The following SHISA6 variants were observed in gnomAD, a reference collection of about 807,000 sequenced individuals.
The protein encoded by SHISA6 is protein shisa-6.
A neutral mutation model predicts 47.9 loss-of-function variants in SHISA6; 22 were observed. The ratio of observed to expected loss-of-function variants is 0.46; its 90% CI spans 0.33 to 0.66. SHISA6 has a LOEUF of 0.66. Ranked by LOEUF, SHISA6 falls within the 30% of genes least tolerant of loss-of-function variation. The probability of loss-of-function intolerance (pLI) is 0.02; values close to 1 mark genes in which losing one functional copy is unlikely to be tolerated. For synonymous variants in SHISA6, 388 were observed against 337.8 expected (o/e 1.15, Z -1.63); for missense variants, 680 against 764.6 (o/e 0.89, Z 1.30).
In SHISA6 at chr17:11,303,351, A is replaced by T. The variant is rs573112452; in HGVS notation, c.799+39825A>T. Among the ~76,000 whole-genome samples, 4 of 151,318 alleles carry T rather than the reference A, an allele frequency of 2.6e-5. No individual in the cohort carries two copies. In the South Asian group the frequency reaches 8.4e-4, roughly 32 times the overall value. The stretch of plus-strand genomic sequence containing the variant: ...TGATTGGTTATGTGTGGTCGTGAGT[A>T]TGGTTGTGTGTGGTGTTTTGTGCAT... On this transcript the variant is annotated intron_variant, in intron 2 of 5. Coordinates refer to ENST00000441885, the MANE Select transcript of SHISA6 (RefSeq NM_207386.4).
At chr17:11,517,055 A>G (rs2071591629) in intron 3 of SHISA6, among the ~76,000 whole-genome samples, 1 of 152,228 alleles carries the variant, frequency 6.6e-6, no homozygotes, top group Non-Finnish European at 1.5e-5. Context: ...TAATGAGCAT[A>G]TAGATCATAA....
intron 3 of SHISA6, among the ~76,000 whole-genome samples, chr17:11,483,485 C>T (rs971936552): frequency 6.6e-6 from 1 of 152,046 alleles, no homozygotes; most frequent in Non-Finnish European, 1.5e-5. Flanking sequence ...ACACTTACAA[C>T]ATAATTACTC....
intron 2 of SHISA6, among the ~76,000 whole-genome samples, chr17:11,364,201 C>T (rs1159083516): frequency 6.6e-6 from 1 of 152,196 alleles, no homozygotes; most frequent in Non-Finnish European, 1.5e-5. Context: ...ATCCATCTCC[C>T]CCTTATCCAG....
chr17:11,337,177 T>A (rs1273750821), intron 2 of SHISA6, among the ~76,000 whole-genome samples: 1 of 152,018 alleles, frequency 6.6e-6, no homozygotes, highest in Non-Finnish European at 1.5e-5. Flanking sequence ...CTGCAGGTAG[T>A]TTATATGGGA....
At chr17:11,261,819 A>T (rs960957629) in intron 1 of SHISA6, among the ~76,000 whole-genome samples, 1 of 152,186 alleles carries the variant, frequency 6.6e-6, no homozygotes, top group Non-Finnish European at 1.5e-5. Context: ...TCTTGGGAAT[A>T]CCTAGGAGTA....
intron 3 of SHISA6, among the ~76,000 whole-genome samples, chr17:11,489,201 A>T (rs1022332667): frequency 2.0e-5 from 3 of 151,738 alleles, no homozygotes; most frequent in African/African-American, 7.3e-5. Context: ...CCCCAGACCA[A>T]TGGTCAGCAT....
intron 2 of SHISA6, among the ~76,000 whole-genome samples, chr17:11,280,815 A>T (rs1225785881): frequency 2.6e-5 from 4 of 152,248 alleles, no homozygotes; most frequent in Non-Finnish European, 5.9e-5. Flanking sequence ...GTTGAATGGC[A>T]TGAGAGCAAG....
chr17:11,261,869 A>G (rs549677955), intron 1 of SHISA6, among the ~76,000 whole-genome samples: 1 of 152,324 alleles, frequency 6.6e-6, no homozygotes, highest in South Asian at 2.1e-4. Flanking sequence ...TTTAAGGAAC[A>G]TTGCAGTTTT....
chr17:11,349,774 GA>G (rs1343851487), intron 2 of SHISA6, among the ~76,000 whole-genome samples: 1 of 152,152 alleles, frequency 6.6e-6, no homozygotes. Flanking sequence ...GAGGCCTCTT[GA>G]AAAAGAGAGA....
intron 2 of SHISA6, among the ~76,000 whole-genome samples, chr17:11,356,476 T>G (rs930585591): frequency 6.6e-6 from 1 of 152,226 alleles, no homozygotes; most frequent in Non-Finnish European, 1.5e-5. Context: ...CTGGAACATC[T>G]TATTTAAAGT....
chr17:11,301,053 A>C (rs1043701201), intron 2 of SHISA6, among the ~76,000 whole-genome samples: 5 of 152,188 alleles, frequency 3.3e-5, no homozygotes, highest in Admixed American at 6.5e-5. Context: ...GAACTTCTCC[A>C]GTACAGCTGC....
chr17:11,292,274 C>T (rs1419753853), intron 2 of SHISA6, among the ~76,000 whole-genome samples: 1 of 151,710 alleles, frequency 6.6e-6, no homozygotes, highest in Non-Finnish European at 1.5e-5. Flanking sequence ...GTCATAATGC[C>T]CTCCCTCCCC....
intron 3 of SHISA6, among the ~76,000 whole-genome samples, chr17:11,402,086 G>A (rs796878564): frequency 6.6e-6 from 1 of 152,188 alleles, no homozygotes; most frequent in South Asian, 2.1e-4. Flanking sequence ...ACTTGGGGTG[G>A]AGAATGTTTG....
In SHISA6 at chr17:11,280,828, A is replaced by G. The variant is rs536244216; in HGVS notation, c.799+17302A>G. Among the ~76,000 whole-genome samples, 3 of 152,340 alleles carry G rather than the reference A, an allele frequency of 2.0e-5. No individual in the cohort carries two copies. The East Asian group carries it at 5.8e-4, about 29-fold the overall frequency. Reference sequence around the variant, plus strand: ...GGGTTGAATGGCATGAGAGCAAGTTAGAGAAGAGGGCTGGAAATAGAAATG... The same window carrying G: ...GGGTTGAATGGCATGAGAGCAAGTTGGAGAAGAGGGCTGGAAATAGAAATG... On this transcript the variant is annotated intron_variant, in intron 2 of 5. Coordinates refer to ENST00000441885, the MANE Select transcript of SHISA6 (RefSeq NM_207386.4).
intron 3 of SHISA6, among the ~76,000 whole-genome samples, chr17:11,481,114 A>C (rs554605144): frequency 1.3e-5 from 2 of 151,956 alleles, no homozygotes; most frequent in African/African-American, 4.8e-5. Context: ...CCCTATCTCT[A>C]CTAAAAATGT....
chr17:11,415,191 A>T (rs1262596786), intron 3 of SHISA6, among the ~76,000 whole-genome samples: 3 of 152,178 alleles, frequency 2.0e-5, no homozygotes, highest in African/African-American at 7.2e-5. Flanking sequence ...TGGTGTACTA[A>T]GTATTTGTAT....
At chr17:11,245,521 T>G (rs1367242214) in intron 1 of SHISA6, among the ~76,000 whole-genome samples, 1 of 152,208 alleles carries the variant, frequency 6.6e-6, no homozygotes, top group Non-Finnish European at 1.5e-5. Flanking sequence ...GTGCTAGCTG[T>G]CTCACATCCA....
chr17:11,558,096 C>CCACACCTGTGCTGGA lies in SHISA6; in HGVS notation c.1454_1455insTGTGCTGGACACACC (p.Thr484_Asp488dup), dbSNP rs1567639460. ...ATCTCGCACACGGACGTCTTTGTGT[C>CCACACCTGTGCTGGA]CACACCCGTGCTGGACCGCTACCGC... is the stretch of plus-strand genomic sequence containing the variant. On this transcript the variant is annotated inframe_insertion, in exon 6 of 6. Coordinates refer to ENST00000441885, the MANE Select transcript of SHISA6 (RefSeq NM_207386.4). 2 of 1,551,612 alleles carry CCACACCTGTGCTGGA rather than the reference C, an allele frequency of 1.3e-6. No individual in the cohort carries two copies. The highest frequency in any genetic ancestry group is 3.9e-5 in the Admixed American group (2 of 51,014).
Position 11,436,982 on chromosome 17 carries a change from G to A in SHISA6, c.895+57473G>A, listed in dbSNP as rs1914959957. Among the ~76,000 whole-genome samples the A allele has an allele frequency of 2.0e-5, 3 of 152,198 alleles. No homozygotes were observed. The South Asian group carries it at 6.2e-4, about 31-fold the overall frequency. On this transcript the variant is annotated intron_variant, in intron 3 of 5. Coordinates refer to ENST00000441885, the MANE Select transcript of SHISA6 (RefSeq NM_207386.4). Reference sequence around the variant, plus strand: ...CATTAGGCTCCTGTGTATATCACGTGTTGCTTAATAGTGGCTGTCTTAGCC... The same window carrying A: ...CATTAGGCTCCTGTGTATATCACGTATTGCTTAATAGTGGCTGTCTTAGCC...
Sources: gnomAD v4.1 joint callset for allele counts (sites outside exome capture counted in the v4.1 genomes callset) on GRCh38, gnomAD v4.1.1 for gene constraint, MANE v1.5 for transcripts, NCBI Gene and HGNC (gene_info 2026-07-23, HGNC 2026-07-21) for gene names.